Variants in CCDC169 observed in about 807,000 individuals in gnomAD.
The protein encoded by CCDC169 is coiled-coil domain-containing protein 169.
In CCDC169, 30 loss-of-function variants were observed where a neutral mutation model predicts 36.0. That is an observed-to-expected ratio of 0.83 (90% confidence interval 0.62 to 1.13). CCDC169 has a LOEUF of 1.13. CCDC169 is among the 50% of genes most tolerant of loss of function. The pLI, the probability that CCDC169 is intolerant of heterozygous loss-of-function variation, is 0.00. For missense variants in CCDC169, 245 were observed against 245.9 expected, an observed-to-expected ratio of 1.00 and a Z score of 0.03; for synonymous variants, 85 against 81.5, an observed-to-expected ratio of 1.04 and a Z score of -0.23.
intron 4 of CCDC169, among the ~76,000 whole-genome samples, chr13:36,262,492 A>G (rs1046277134): frequency 4.6e-5 from 7 of 152,220 alleles, no homozygotes; most frequent in Non-Finnish European, 7.3e-5. Flanking sequence ...TAATACCTAA[A>G]TAAATAGAAG....
At chr13:36,237,767 G>A (rs1871268010) in intron 7 of CCDC169, among the ~76,000 whole-genome samples, 1 of 152,152 alleles carries the variant, frequency 6.6e-6, no homozygotes, top group African/African-American at 2.4e-5. Flanking sequence ...CTGCATATAT[G>A]ACAGTATTCC....
At chr13:36,228,929 A>G (rs985203444), downstream of CCDC169, among the ~76,000 whole-genome samples, 1 of 152,218 alleles carries the variant, frequency 6.6e-6, no homozygotes, top group East Asian at 1.9e-4. Flanking sequence ...TATTCCTTCT[A>G]CAAAGGAAAG....
At chr13:36,285,860 T>C in intron 2 of CCDC169, among the ~76,000 whole-genome samples, 1 of 152,152 alleles carries the variant, frequency 6.6e-6, no homozygotes, top group East Asian at 1.9e-4. Flanking sequence ...ATGCCTCCCA[T>C]ATTAAGTTTC....
At chr13:36,241,319 T>G (rs1344447644) in intron 7 of CCDC169, among the ~76,000 whole-genome samples, 1 of 152,194 alleles carries the variant, frequency 6.6e-6, no homozygotes, top group East Asian at 1.9e-4. Context: ...AAGCAAATAC[T>G]GATGTAACCA....
chr13:36,244,990 A>C (rs1401339223), intron 7 of CCDC169, among the ~76,000 whole-genome samples: 1 of 152,214 alleles, frequency 6.6e-6, no homozygotes, highest in Non-Finnish European at 1.5e-5. Flanking sequence ...TGACTATTCA[A>C]GAAAGAATAT....
intron 6 of CCDC169, among the ~76,000 whole-genome samples, chr13:36,249,436 G>A (rs1410623): frequency 0.4 from 61,133 of 151,950 alleles, 13,153 homozygotes; most frequent in Non-Finnish European, 0.48. Flanking sequence ...CAGATGCTTC[G>A]CCAAATTTGA....
At chr13:36,252,944 G>C (rs973786928) in intron 6 of CCDC169, among the ~76,000 whole-genome samples, 1 of 152,158 alleles carries the variant, frequency 6.6e-6, no homozygotes, top group African/African-American at 2.4e-5. Context: ...TGAATGCTAT[G>C]AAACATTGAG....
rs1241567386 is a variant in CCDC169 at position 36,283,577 on chromosome 13, T to C, written c.274+15A>G. ...TAACTCAAATTATAAAATGTACATA[T>C]GATTGGTTTTGTACCTGAAGAGTTT... On this transcript the variant is annotated intron_variant, in intron 3 of 7. Transcript: ENST00000239859. 6 of 1,551,236 alleles carry C rather than the reference T, an allele frequency of 3.9e-6. No individual in the cohort carries two copies. The Admixed American group carries it at 7.9e-5, about 20-fold the overall frequency.
intron 4 of CCDC169, among the ~76,000 whole-genome samples, chr13:36,262,680 A>G (rs958262499): frequency 3.3e-5 from 5 of 152,186 alleles, no homozygotes; most frequent in Admixed American, 2.0e-4. Context: ...GCATCTTTAA[A>G]GAATGATTTT....
At chr13:36,268,682 C>A (rs1875648600) in intron 4 of CCDC169, among the ~76,000 whole-genome samples, 1 of 152,114 alleles carries the variant, frequency 6.6e-6, no homozygotes, top group African/African-American at 2.4e-5. Flanking sequence ...ATACAAAAAT[C>A]TGGCTCTTTG....
chr13:36,255,948 C>G (rs909013789), intron 4 of CCDC169, among the ~76,000 whole-genome samples: 6 of 152,192 alleles, frequency 3.9e-5, no homozygotes, highest in Admixed American at 3.9e-4. Flanking sequence ...ATGCAGGGCG[C>G]TCAGCACGGT....
rs143987321 is a variant in CCDC169 at position 36,286,733 on chromosome 13, T to C, written c.164-3031A>G. Among the ~76,000 whole-genome samples the C allele has an allele frequency of 4.5e-4, 69 of 152,304 alleles. No homozygotes were observed. The East Asian group carries it at 8.9e-3, about 20-fold the overall frequency. On this transcript the variant is annotated intron_variant, in intron 2 of 7. Coordinates refer to ENST00000239859, the MANE Select transcript of CCDC169 (RefSeq NM_001144981.3). ...TCGCTCCCTCTGGCTGGAAACAGTT[T>C]ACCTTGACTGGTGACTTGAGGAAAT...
chr13:36,242,602 G>C (rs568855758), intron 7 of CCDC169, among the ~76,000 whole-genome samples: 1 of 149,502 alleles, frequency 6.7e-6, no homozygotes, highest in Non-Finnish European at 1.5e-5. Flanking sequence ...GAGTGAACGG[G>C]TTTTTTTTTT....
At chr13:36,272,242 C>A (rs117529505) in intron 4 of CCDC169, among the ~76,000 whole-genome samples, 1 of 150,842 alleles carries the variant, frequency 6.6e-6, no homozygotes, top group Admixed American at 6.6e-5. Context: ...ACCATTTGTA[C>A]CCCAAAATGT....
downstream of CCDC169, among the ~76,000 whole-genome samples, chr13:36,230,597 G>A (rs760330269): frequency 6.6e-6 from 1 of 152,158 alleles, no homozygotes; most frequent in African/African-American, 2.4e-5. Flanking sequence ...CTCAGAAAGT[G>A]TATAGTTTTG....
intron 2 of CCDC169, 37 bp from the exon 3 acceptor site, chr13:36,283,739 C>G: frequency 7.2e-7 from 1 of 1,384,374 alleles, no homozygotes; most frequent in Non-Finnish European, 1.0e-6. Context: ...AAGATCACCC[C>G]ACCACCTCTC....
intron 2 of CCDC169, among the ~76,000 whole-genome samples, chr13:36,284,234 AT>A (rs1015606064): frequency 1.5e-4 from 23 of 151,982 alleles, no homozygotes; most frequent in Non-Finnish European, 2.2e-4. Flanking sequence ...TGTCATGTTC[AT>A]TTTTTTTCCT....
At chr13:36,292,431 A>ACATTTTCTTTAC (rs1879018508) in intron 2 of CCDC169, among the ~76,000 whole-genome samples, 1 of 152,236 alleles carries the variant, frequency 6.6e-6, no homozygotes, top group South Asian at 2.1e-4. Flanking sequence ...AGTCACCTGA[A>ACATTTTCTTTAC]CATTTTCTTT....
chr13:36,279,107 A>G (rs1404947979), intron 4 of CCDC169, among the ~76,000 whole-genome samples: 3 of 151,838 alleles, frequency 2.0e-5, no homozygotes, highest in African/African-American at 2.4e-5. Context: ...CAAGCTAAAA[A>G]AAAACCCACC....
Sources: allele counts gnomAD v4.1 joint callset (sites outside exome capture counted in the v4.1 genomes callset), GRCh38; gene constraint gnomAD v4.1.1; transcripts MANE v1.5; gene names NCBI Gene and HGNC (gene_info 2026-07-23, HGNC 2026-07-21).